DRC11: variants seen among roughly 807,000 people sequenced by gnomAD.
DRC11 encodes IQ and AAA domain-containing protein 1.
At chr2:236,500,102 A>G in the DRC11 span, among the ~76,000 whole-genome samples, 22 of 150,262 alleles carry the variant, frequency 1.5e-4, no homozygotes, top group Non-Finnish European at 4.4e-5. This position sits in a 1 kb window ranked among gnomAD's most constrained non-coding sequence, Gnocchi z 6.3. Flanking sequence ...GATGATGATG[A>G]TGATGATGAT....
At chr2:236,440,664 T>C in the DRC11 span, among the ~76,000 whole-genome samples, 10 of 151,970 alleles carry the variant, frequency 6.6e-5, no homozygotes, top group Admixed American at 1.3e-4. Flanking sequence ...AAAGGAGCAG[T>C]GGCATGAGCC....
At chr2:236,366,975 A>ATTT in the DRC11 span, among the ~76,000 whole-genome samples, 221 of 127,362 alleles carry the variant, frequency 1.7e-3, 3 homozygotes, top group Non-Finnish European at 2.2e-3. Flanking sequence ...ACACCCGGCT[A>ATTT]TTTTTTTTTT....
chr2:236,366,273 C>CAAGT, the DRC11 span, among the ~76,000 whole-genome samples: 1 of 152,092 alleles, frequency 6.6e-6, no homozygotes, highest in Non-Finnish European at 1.5e-5. Context: ...GTCTCCTGGC[C>CAAGT]AAGTATGTAA....
At chr2:236,374,043 C>A in the DRC11 span, among the ~76,000 whole-genome samples, 24 of 152,294 alleles carry the variant, frequency 1.6e-4, no homozygotes, top group Middle Eastern at 6.8e-3. Context: ...GTGGGCCAAA[C>A]CCCTCCTAGT....
chr2:236,500,168 G>A, the DRC11 span, among the ~76,000 whole-genome samples: 1 of 152,118 alleles, frequency 6.6e-6, no homozygotes, highest in African/African-American at 2.4e-5. The surrounding 1 kb of genome is among the most constrained non-coding windows in gnomAD (Gnocchi z 6.3). Context: ...TGTCCTAAGT[G>A]GTTTCCATGT....
the DRC11 span, among the ~76,000 whole-genome samples, chr2:236,440,872 T>C: frequency 6.6e-6 from 1 of 152,324 alleles, no homozygotes; most frequent in Middle Eastern, 3.4e-3. Context: ...TGAACTCATT[T>C]TGAATAAATA....
At chr2:236,352,380 T>TCTGGGGATAGCGTGGG in the DRC11 span, among the ~76,000 whole-genome samples, 4 of 151,922 alleles carry the variant, frequency 2.6e-5, no homozygotes, top group East Asian at 7.7e-4. This position sits in a 1 kb window ranked among gnomAD's most constrained non-coding sequence, Gnocchi z 7.0. Context: ...CCAGGAAATG[T>TCTGGGGATAGCGTGGG]CTGGGGATAG....
At chr2:236,360,087 A>G in the DRC11 span, among the ~76,000 whole-genome samples, 1 of 152,228 alleles carries the variant, frequency 6.6e-6, no homozygotes, top group Admixed American at 6.5e-5. The surrounding 1 kb of genome is among the most constrained non-coding windows in gnomAD (Gnocchi z 5.8). Context: ...GAGTGAGAAC[A>G]GAAAGATCAC....
the DRC11 span, among the ~76,000 whole-genome samples, chr2:236,357,632 T>A: frequency 8.6e-4 from 92 of 106,584 alleles, no homozygotes; most frequent in African/African-American, 3.5e-3. Flanking sequence ...TAAATATGCA[T>A]ATAATATGTA....
the DRC11 span, among the ~76,000 whole-genome samples, chr2:236,364,795 C>G: frequency 6.6e-6 from 1 of 152,118 alleles, no homozygotes; most frequent in Non-Finnish European, 1.5e-5. Context: ...TTAATGGGCT[C>G]TTTTTGATAC....
At chr2:236,475,208 G>A in the DRC11 span, among the ~76,000 whole-genome samples, 4 of 152,010 alleles carry the variant, frequency 2.6e-5, no homozygotes, top group East Asian at 5.8e-4. This position sits in a 1 kb window ranked among gnomAD's most constrained non-coding sequence, Gnocchi z 4.8. Context: ...TAGCTCCCAC[G>A]TACAAGTGAG....
At chr2:236,419,421 G>A in the DRC11 span, 1 of 1,280,312 alleles carries the variant, frequency 7.8e-7, no homozygotes. The surrounding 1 kb of genome is among the most constrained non-coding windows in gnomAD (Gnocchi z 4.8). Flanking sequence ...CTGGGGCATG[G>A]TGGGGCTCCT....
chr2:236,494,294 C>T, the DRC11 span, among the ~76,000 whole-genome samples: 1 of 152,174 alleles, frequency 6.6e-6, no homozygotes, highest in Non-Finnish European at 1.5e-5. The surrounding 1 kb of genome is among the most constrained non-coding windows in gnomAD (Gnocchi z 4.2). Context: ...TTAGCACCGA[C>T]TATTTGTATG....
chr2:236,432,699 G>A, the DRC11 span, among the ~76,000 whole-genome samples: 1 of 152,062 alleles, frequency 6.6e-6, no homozygotes, highest in Non-Finnish European at 1.5e-5. Context: ...TTCTCTCAGG[G>A]TGTCATCTGT....
chr2:236,493,759 T>C, the DRC11 span: 5 of 1,580,434 alleles, frequency 3.2e-6, no homozygotes, highest in South Asian at 1.2e-5. Flanking sequence ...GTTAAAATGA[T>C]ATACAAACCA....
At chr2:236,423,239 G>T in the DRC11 span, among the ~76,000 whole-genome samples, 1 of 151,482 alleles carries the variant, frequency 6.6e-6, no homozygotes, top group African/African-American at 2.4e-5. Flanking sequence ...CACAGCAAAA[G>T]AAACTACCAT....
At chr2:236,442,528 A>G in the DRC11 span, among the ~76,000 whole-genome samples, 200 of 152,298 alleles carry the variant, frequency 1.3e-3, 1 homozygote, top group Middle Eastern at 3.4e-3. Context: ...ATCTGAACCC[A>G]TATCAATGAA....
chr2:236,438,360 T>G, the DRC11 span, among the ~76,000 whole-genome samples: 1 of 145,472 alleles, frequency 6.9e-6, no homozygotes, highest in Non-Finnish European at 1.5e-5. Flanking sequence ...GTAGTATAGT[T>G]TGAAGTCAGG....
chr2:236,499,879 C>T, the DRC11 span, among the ~76,000 whole-genome samples: 1 of 152,322 alleles, frequency 6.6e-6, no homozygotes, highest in East Asian at 1.9e-4. This position sits in a 1 kb window ranked among gnomAD's most constrained non-coding sequence, Gnocchi z 4.7. Context: ...CTGGGACTCT[C>T]TCTTCTACAT....
Sources: gnomAD v4.1 joint callset for allele counts (sites outside exome capture counted in the v4.1 genomes callset) on GRCh38, gnomAD v4.1.1 for gene constraint, Gnocchi (gnomAD v3.1) non-coding constraint, MANE v1.5 for transcripts, NCBI Gene and HGNC (gene_info 2026-07-23, HGNC 2026-07-21) for gene names.